The following C4orf50 variants were observed in gnomAD, a reference collection of about 807,000 sequenced individuals.
C4orf50 encodes uncharacterized protein C4orf50.
Under a neutral mutation model 77.2 loss-of-function variants are expected in C4orf50, and 80 were observed. That is an observed-to-expected ratio of 1.04 (90% CI 0.87 to 1.25). The LOEUF is 1.25. Ranked by LOEUF, C4orf50 falls within the 50% of genes most tolerant of loss-of-function variation. The probability of loss-of-function intolerance (pLI) is 0.00; values close to 1 mark genes in which losing one functional copy is unlikely to be tolerated. For missense variants in C4orf50, 1,257 were observed against 1,152.9 expected (o/e 1.09, Z -1.31); for synonymous variants, 532 against 465.3 (o/e 1.14, Z -1.84).
chr4:5,972,856 C>T (rs578027668), intron 31 of C4orf50, among the ~76,000 whole-genome samples: 19 of 152,262 alleles, frequency 1.2e-4, no homozygotes, highest in Admixed American at 7.8e-4. Context: ...TGGGCAGGCA[C>T]GGCTGGGCAC....
At chr4:5,989,513 A>G in exon 28 of C4orf50, 2 of 1,536,096 alleles carry the variant, frequency 1.3e-6, no homozygotes, top group South Asian at 1.2e-5. Flanking sequence ...CCACTGTGCC[A>G]CTTCTGAGCA....
chr4:6,005,360 G>A (rs758605567), intron 25 of C4orf50, among the ~76,000 whole-genome samples: 4 of 152,202 alleles, frequency 2.6e-5, no homozygotes, highest in Non-Finnish European at 4.4e-5. Context: ...ATGAGGTGCA[G>A]TTCCCCTGGG....
chr4:5,912,153 C>G (rs964591364), intron 7 of C4orf50, among the ~76,000 whole-genome samples: 2 of 152,094 alleles, frequency 1.3e-5, no homozygotes, highest in Non-Finnish European at 2.9e-5. Context: ...GTAAACACTC[C>G]TACTATGGCT....
At chr4:5,962,494 G>A (rs1719324901) in intron 33 of C4orf50, among the ~76,000 whole-genome samples, 1 of 152,244 alleles carries the variant, frequency 6.6e-6, no homozygotes. Context: ...GTCACTGACA[G>A]CAGACATTAG....
chr4:5,951,813 C>G (rs1242383180), intron 7 of C4orf50, among the ~76,000 whole-genome samples: 2 of 152,160 alleles, frequency 1.3e-5, no homozygotes, highest in Non-Finnish European at 2.9e-5. Flanking sequence ...ATCCAGACCT[C>G]TTCCCCAACC....
intron 23 of C4orf50, among the ~76,000 whole-genome samples, chr4:6,016,174 C>A (rs1722676552): frequency 6.6e-6 from 1 of 152,152 alleles, no homozygotes; most frequent in Non-Finnish European, 1.5e-5. Context: ...GGGTCTTTAT[C>A]TCAAAGTTTG....
Position 6,017,646 on chromosome 4 carries a change from TG to T in C4orf50, c.287+498del, listed in dbSNP as rs1207938397. 1.3e-5 allele frequency among the ~76,000 whole-genome samples: 2 copies of T among 152,134 alleles called. No homozygotes were observed. Among genetic ancestry groups the T allele is most frequent in the Non-Finnish European group, 2.9e-5 (2 of 68,028 alleles). Reference sequence around the variant, plus strand: ...TTTCCCCAGGATATAAGCCCTGGGTTGGGGATGGAAGGTTTGCTGTGTGGAC... The same window carrying T: ...TTTCCCCAGGATATAAGCCCTGGGTTGGGATGGAAGGTTTGCTGTGTGGAC... On this transcript the variant is annotated intron_variant, in intron 23 of 33. Coordinates refer to ENST00000531445, the Ensembl canonical transcript of C4orf50. This position sits in a 1 kb window ranked among gnomAD's most constrained non-coding sequence, Gnocchi z 4.7.
chr4:5,942,641 A>G (rs1718315545), intron 7 of C4orf50, among the ~76,000 whole-genome samples: 1 of 152,204 alleles, frequency 6.6e-6, no homozygotes, highest in Non-Finnish European at 1.5e-5. Context: ...TTACTCCTAC[A>G]AGAGTATAAA....
At chr4:5,922,590 G>C (rs539664051) in intron 7 of C4orf50, among the ~76,000 whole-genome samples, 2 of 152,172 alleles carry the variant, frequency 1.3e-5, no homozygotes, top group Admixed American at 1.3e-4. Flanking sequence ...AGAGGGCTTC[G>C]GGGAGAGTGC....
chr4:5,949,724 C>A (rs896156432), intron 7 of C4orf50, among the ~76,000 whole-genome samples: 1 of 152,178 alleles, frequency 6.6e-6, no homozygotes, highest in African/African-American at 2.4e-5. Flanking sequence ...CAGTGGCTCA[C>A]GTCTGTAATC....
chr4:5,925,477 G>C (rs915940239), intron 7 of C4orf50, among the ~76,000 whole-genome samples: 1 of 152,236 alleles, frequency 6.6e-6, no homozygotes, highest in Non-Finnish European at 1.5e-5. Context: ...AGGACCGATG[G>C]TCACCCTGTT....
intron 33 of C4orf50, among the ~76,000 whole-genome samples, chr4:5,962,887 T>C (rs1044623634): frequency 2.6e-5 from 4 of 152,350 alleles, no homozygotes; most frequent in African/African-American, 9.6e-5. Context: ...CCTCATACTT[T>C]ATGCTCCAGC....
chr4:5,913,693 A>G (rs1366444247), intron 7 of C4orf50, among the ~76,000 whole-genome samples: 1 of 152,130 alleles, frequency 6.6e-6, no homozygotes, highest in Non-Finnish European at 1.5e-5. Flanking sequence ...TATTGATCCT[A>G]TTTAGAAATA....
At chr4:5,930,994 G>T (rs148134322) in intron 7 of C4orf50, among the ~76,000 whole-genome samples, 1 of 152,188 alleles carries the variant, frequency 6.6e-6, no homozygotes, top group Non-Finnish European at 1.5e-5. Context: ...GTGCATAAAT[G>T]AGCAAACAGT....
exon 28 of C4orf50, chr4:5,989,808 G>A (rs972634105): frequency 1.7e-5 from 26 of 1,504,962 alleles, no homozygotes; most frequent in Middle Eastern, 1.7e-4. Context: ...CAGGCTCCTC[G>A]GGGGCACCCC....
At chr4:5,955,029 C>A (rs1718890592), downstream of C4orf50, among the ~76,000 whole-genome samples, 1 of 152,124 alleles carries the variant, frequency 6.6e-6, no homozygotes, top group African/African-American at 2.4e-5. This position sits in a 1 kb window ranked among gnomAD's most constrained non-coding sequence, Gnocchi z 5.1. Flanking sequence ...TCCCTCTGAC[C>A]CCTGCTGTCT....
rs1206109344 is a variant in C4orf50, at chr4:6,011,722, C to T, written c.426+108G>A. The T allele has an allele frequency of 5.0e-6, 2 of 398,188 alleles. No homozygotes were observed. The highest frequency in any genetic ancestry group is 8.8e-6 in the Non-Finnish European group (2 of 226,042). The allele number at this position is 398,188 out of a possible 1,614,324, so 24.7% of individuals were successfully genotyped here. A position where few individuals can be genotyped will look rare whatever the true frequency, so the allele number is the denominator to read the frequency against. On this transcript the variant is annotated intron_variant, in intron 24 of 33. Coordinates refer to ENST00000531445, the Ensembl canonical transcript of C4orf50. The surrounding 1 kb of genome is among the most constrained non-coding windows in gnomAD (Gnocchi z 4.2). Reference sequence around the variant, plus strand: ...GATCTCTCTAACCCTCCTGACTGGGCTCTCCCAGGCCCACCCTGTACTGTC... The same window carrying T: ...GATCTCTCTAACCCTCCTGACTGGGTTCTCCCAGGCCCACCCTGTACTGTC...
intron 32 of C4orf50, among the ~76,000 whole-genome samples, chr4:5,965,618 T>C (rs1205710859): frequency 5.9e-5 from 9 of 151,678 alleles, no homozygotes; most frequent in Admixed American, 5.9e-4. Flanking sequence ...AGAGAGAAAA[T>C]TAGTGACAGA....
Position 6,000,910 on chromosome 4 carries a change from G to T in C4orf50, c.964-6434C>A, listed in dbSNP as rs1165182631. Among the ~76,000 whole-genome samples, 1 of 152,194 alleles carries T rather than the reference G, an allele frequency of 6.6e-6. No homozygotes were observed. The highest frequency in any genetic ancestry group is 1.5e-5 in the Non-Finnish European group (1 of 68,046). On this transcript the variant is annotated intron_variant, in intron 25 of 33. Transcript: ENST00000531445. The surrounding 1 kb of genome is among the most constrained non-coding windows in gnomAD (Gnocchi z 6.0). ...ATCCGTTAAAACCCATATCCCCAAA[G>T]GGATGTTATTAGGAAGCGGTGCTGA...
Sources: allele counts gnomAD v4.1 joint callset (sites outside exome capture counted in the v4.1 genomes callset), GRCh38; gene constraint gnomAD v4.1.1; non-coding constraint Gnocchi (gnomAD v3.1); transcripts MANE v1.5; gene names NCBI Gene and HGNC (gene_info 2026-07-23, HGNC 2026-07-21).